The following GATAD1 variants were observed in gnomAD, a reference collection of about 807,000 sequenced individuals.
GATAD1 encodes the protein GATA zinc finger domain-containing protein 1.
GATAD1 carries 12 observed loss-of-function variants against 26.5 expected under a neutral mutation model. The observed-to-expected ratio is 0.45, with a 90% CI of 0.29 to 0.73. GATAD1 has a LOEUF of 0.73. GATAD1 is among the 30% of genes least tolerant of loss of function. The pLI is 0.10. For missense variants in GATAD1, 266 were observed against 342.1 expected, an observed-to-expected ratio of 0.78 and a Z score of 1.75; for synonymous variants, 129 against 133.1, an observed-to-expected ratio of 0.97 and a Z score of 0.21.
the GATAD1 span, among the ~76,000 whole-genome samples, chr7:92,479,451 CAGT>C: frequency 3.3e-5 from 5 of 152,260 alleles, no homozygotes; most frequent in South Asian, 1.0e-3. Context: ...GAACAAATCA[CAGT>C]GGTGGAATGT....
chr7:92,470,263 C>T, the GATAD1 span: 4 of 778,716 alleles, frequency 5.1e-6, no homozygotes, highest in South Asian at 5.4e-5. Context: ...ACGCTGCATT[C>T]TCCATAGAAA....
At chr7:92,469,511 AG>A in the GATAD1 span, 2 of 768,640 alleles carry the variant, frequency 2.6e-6, no homozygotes, top group African/African-American at 3.4e-5. Flanking sequence ...ACTAAGAATG[AG>A]AGGAAGCACA....
intron 4 of GATAD1, among the ~76,000 whole-genome samples, chr7:92,454,962 G>C (rs932688149): frequency 6.6e-6 from 1 of 152,100 alleles, no homozygotes; most frequent in Non-Finnish European, 1.5e-5. Context: ...GAGCTCTTTG[G>C]TGTATCTTCT....
At chr7:92,448,398 G>A (rs1453955012) in intron 1 of GATAD1, among the ~76,000 whole-genome samples, 1 of 152,120 alleles carries the variant, frequency 6.6e-6, no homozygotes, top group Non-Finnish European at 1.5e-5. Flanking sequence ...TCTGGCCTTA[G>A]GGAGTAAAGT....
At chr7:92,485,762 A>G in the GATAD1 span, among the ~76,000 whole-genome samples, 23 of 152,214 alleles carry the variant, frequency 1.5e-4, no homozygotes, top group Non-Finnish European at 3.1e-4. Context: ...GTTAAGTAAC[A>G]TATCTCCTCC....
the GATAD1 span, chr7:92,494,704 A>T: frequency 8.6e-7 from 1 of 1,168,968 alleles, no homozygotes; most frequent in Non-Finnish European, 1.2e-6. Flanking sequence ...TACATATATG[A>T]ATGTATTTAT....
rs1789750391 is a variant in GATAD1, at chr7:92,457,920, T to G, written c.*1358T>G. On this transcript the variant is annotated 3_prime_UTR_variant, in exon 5 of 5. Transcript: ENST00000287957. The stretch of plus-strand genomic sequence containing the variant: ...GGGAGGCCTGAGTGGATGGATCACT[T>G]GAGGTCAGGAGTTCAGGACCAGCCT... 1 of 152,220 alleles carries G rather than the reference T, an allele frequency of 6.6e-6. No homozygotes were observed. Among genetic ancestry groups the G allele is most frequent in the African/African-American group, 2.4e-5 (1 of 41,454 alleles). The allele number at this position is 152,220 out of a possible 1,614,324, so 9.4% of individuals were successfully genotyped here.
chr7:92,450,667 T>A, intron 2 of GATAD1, 34 bp from the exon 3 acceptor site: 1 of 1,482,892 alleles, frequency 6.7e-7, no homozygotes. Context: ...ACATACATAC[T>A]ATGAATGTGC....
chr7:92,494,632 G>A, the GATAD1 span: 1 of 1,613,586 alleles, frequency 6.2e-7, no homozygotes. Flanking sequence ...CCTGTGCTCT[G>A]GGAAAAACAA....
chr7:92,478,969 A>C, the GATAD1 span, among the ~76,000 whole-genome samples: 3 of 152,176 alleles, frequency 2.0e-5, no homozygotes, highest in Admixed American at 6.5e-5. Context: ...TGCGGGGTAC[A>C]TGAATGATAC....
chr7:92,494,277 A>G, the GATAD1 span: 1 of 1,584,314 alleles, frequency 6.3e-7, no homozygotes, highest in Admixed American at 1.7e-5. Context: ...TTGGACTCTA[A>G]ATATGAAATT....
the GATAD1 span, chr7:92,494,330 C>G: frequency 6.2e-7 from 1 of 1,613,830 alleles, no homozygotes; most frequent in Non-Finnish European, 8.5e-7. Context: ...TTTATCTAGT[C>G]GACCAGGCCT....
chr7:92,476,578 T>A, the GATAD1 span, among the ~76,000 whole-genome samples: 1 of 152,146 alleles, frequency 6.6e-6, no homozygotes, highest in Non-Finnish European at 1.5e-5. Flanking sequence ...TATTTCTTTC[T>A]CTTTCTTTCT....
chr7:92,476,792 G>A, the GATAD1 span, among the ~76,000 whole-genome samples: 1 of 152,044 alleles, frequency 6.6e-6, no homozygotes, highest in South Asian at 2.1e-4. Flanking sequence ...GTCAAGAGCT[G>A]TATGCCTAAA....
chr7:92,448,050 G>T, intron 1 of GATAD1, 72 bp downstream of exon 1: 1 of 1,129,162 alleles, frequency 8.9e-7, no homozygotes, highest in Non-Finnish European at 1.1e-6. Flanking sequence ...GGCTGGCTGG[G>T]AGCGGGCGGG....
In GATAD1 at chr7:92,448,887, T is replaced by C. The variant is rs1789294523; in HGVS notation, c.375+10T>C. 4 of 1,609,276 alleles carry C rather than the reference T, an allele frequency of 2.5e-6. No individual in the cohort carries two copies. In the Admixed American group the frequency reaches 5.0e-5, roughly 20 times the overall value. ...ATTTAAATTGAAAAATGTAAGATAT[T>C]TGTGGACAGTGCCTTTTACTGTAAT... On this transcript the variant is annotated intron_variant, in intron 2 of 4. Coordinates refer to ENST00000287957, the MANE Select transcript of GATAD1 (RefSeq NM_021167.5).
At chr7:92,482,242 T>C in the GATAD1 span, among the ~76,000 whole-genome samples, 5 of 151,758 alleles carry the variant, frequency 3.3e-5, no homozygotes, top group East Asian at 9.7e-4. Flanking sequence ...GGATGAGGGG[T>C]GCAGGGGAAT....
chr7:92,451,614 C>G (rs898668065), intron 3 of GATAD1, among the ~76,000 whole-genome samples: 1 of 152,172 alleles, frequency 6.6e-6, no homozygotes, highest in African/African-American at 2.4e-5. Flanking sequence ...AACAGGGGTA[C>G]ACTGGCATTC....
the GATAD1 span, chr7:92,470,086 C>T: frequency 2.6e-6 from 2 of 778,794 alleles, no homozygotes; most frequent in South Asian, 1.3e-5. Flanking sequence ...GACTCCAAGT[C>T]CTCCAGGACA....
Sources: gnomAD v4.1 joint callset for allele counts (sites outside exome capture counted in the v4.1 genomes callset) on GRCh38, gnomAD v4.1.1 for gene constraint, MANE v1.5 for transcripts, NCBI Gene and HGNC (gene_info 2026-07-23, HGNC 2026-07-21) for gene names.